The following PDE4D variants were observed in gnomAD, a reference collection of about 807,000 sequenced individuals.
The protein encoded by PDE4D is 3',5'-cyclic-AMP phosphodiesterase 4D.
In PDE4D, 24 loss-of-function variants were observed where a neutral mutation model predicts 87.4. The observed-to-expected ratio is 0.27, with a 90% confidence interval of 0.20 to 0.39. PDE4D has a LOEUF of 0.39. PDE4D is among the 10% of genes least tolerant of loss of function. PDE4D has a pLI of 1.00. For synonymous variants in PDE4D, 384 were observed against 383.2 expected (o/e 1.00, Z -0.02); for missense variants, 714 against 1,041.0 (o/e 0.69, Z 4.32).
rs1178342105 is a variant in PDE4D at position 60,498,518 on chromosome 5, G to A, written n.70+23533C>T. Reference sequence around the variant, plus strand: ...CCAGAACTTGTACAAATGGGGCCTGGGCCACAGGGATGGCCAGCATCCTAG... The same window carrying A: ...CCAGAACTTGTACAAATGGGGCCTGAGCCACAGGGATGGCCAGCATCCTAG... On this transcript the variant is annotated intron_variant and non_coding_transcript_variant, in intron 1 of 2. Coordinates refer to the PDE4D transcript ENST00000506510. Among the ~76,000 whole-genome samples, 9 of 152,106 alleles carry A rather than the reference G, an allele frequency of 5.9e-5. No homozygotes were observed. In the South Asian group the frequency reaches 1.5e-3, roughly 25 times the overall value.
intron 1 of PDE4D, among the ~76,000 whole-genome samples, chr5:60,317,962 T>C (rs182464884): frequency 6.6e-6 from 1 of 152,368 alleles, no homozygotes; most frequent in Admixed American, 6.5e-5. Context: ...ATGTATATTC[T>C]GTAGATTTGG....
chr5:60,220,162 G>T (rs1291247042), intron 1 of PDE4D, among the ~76,000 whole-genome samples: 1 of 152,116 alleles, frequency 6.6e-6, no homozygotes. Context: ...AGTGGGGGCG[G>T]TTTGCTTGCA....
chr5:59,446,208 TTTTA>T (rs1427364689), intron 1 of PDE4D, among the ~76,000 whole-genome samples: 1 of 152,162 alleles, frequency 6.6e-6, no homozygotes, highest in Non-Finnish European at 1.5e-5. Flanking sequence ...CAATGGATCA[TTTTA>T]TTTATATTCA....
chr5:60,399,089 C>T (rs1361986455), intron 1 of PDE4D, among the ~76,000 whole-genome samples: 1 of 152,132 alleles, frequency 6.6e-6, no homozygotes, highest in East Asian at 1.9e-4. Context: ...TAAATAATTG[C>T]TTTTTATTTC....
chr5:60,059,602 C>G (rs1416537601), intron 2 of PDE4D, among the ~76,000 whole-genome samples: 2 of 151,846 alleles, frequency 1.3e-5, no homozygotes, highest in Non-Finnish European at 2.9e-5. Flanking sequence ...ATATGACAGA[C>G]TGAGAGAGAG....
At chr5:59,194,767 A>T (rs996337009) in intron 2 of PDE4D, among the ~76,000 whole-genome samples, 1 of 152,196 alleles carries the variant, frequency 6.6e-6, no homozygotes, top group South Asian at 2.1e-4. Flanking sequence ...ATCATTTTAT[A>T]GAAGAGGCAA....
At chr5:60,358,776 A>T (rs1759823359) in intron 1 of PDE4D, among the ~76,000 whole-genome samples, 2 of 152,214 alleles carry the variant, frequency 1.3e-5, no homozygotes, top group African/African-American at 4.8e-5. Flanking sequence ...ACAAGAAAAA[A>T]CTACCTATGT....
At chr5:59,518,405 A>G (rs768617145) in intron 1 of PDE4D, among the ~76,000 whole-genome samples, 5 of 152,166 alleles carry the variant, frequency 3.3e-5, no homozygotes, top group African/African-American at 4.8e-5. Context: ...GAATACAACA[A>G]GCAAACATCC....
chr5:60,381,012 C>T (rs1332784384), intron 1 of PDE4D, among the ~76,000 whole-genome samples: 3 of 152,186 alleles, frequency 2.0e-5, no homozygotes, highest in Non-Finnish European at 2.9e-5. Context: ...CAAGAAAAAC[C>T]TCTCTTCAAG....
At chr5:59,902,203 G>C (rs529982585) in intron 3 of PDE4D, among the ~76,000 whole-genome samples, 1 of 151,942 alleles carries the variant, frequency 6.6e-6, no homozygotes, top group Admixed American at 6.6e-5. Context: ...TCAAAAACAA[G>C]AAACAAATAA....
chr5:59,345,185 C>A (rs1001491615), intron 1 of PDE4D, among the ~76,000 whole-genome samples: 1 of 152,106 alleles, frequency 6.6e-6, no homozygotes, highest in South Asian at 2.1e-4. Flanking sequence ...TTTATTTTAG[C>A]GTGACTTACA....
At chr5:59,360,956 A>C (rs773471951) in intron 1 of PDE4D, among the ~76,000 whole-genome samples, 20 of 152,206 alleles carry the variant, frequency 1.3e-4, no homozygotes, top group Non-Finnish European at 2.4e-4. Flanking sequence ...AGACTAAAAC[A>C]ATCAATAAGA....
At chr5:59,632,309 G>T (rs1430404561) in intron 1 of PDE4D, among the ~76,000 whole-genome samples, 1 of 152,156 alleles carries the variant, frequency 6.6e-6, no homozygotes, top group Non-Finnish European at 1.5e-5. Flanking sequence ...GGTGGCTTTG[G>T]GCACAGCTTC....
At chr5:59,047,531 A>G (rs1355330325) in intron 5 of PDE4D, among the ~76,000 whole-genome samples, 2 of 152,208 alleles carry the variant, frequency 1.3e-5, no homozygotes, top group East Asian at 3.9e-4. Context: ...TACTCTGGGA[A>G]TAGTATAAAG....
chr5:60,035,284 T>C (rs1256944605), intron 2 of PDE4D, among the ~76,000 whole-genome samples: 4 of 151,404 alleles, frequency 2.6e-5, no homozygotes, highest in Middle Eastern at 3.2e-3. Context: ...CATACTTGTG[T>C]ATACTGATTA....
intron 5 of PDE4D, among the ~76,000 whole-genome samples, chr5:59,137,525 C>CTTTTTTTTTTTTTTTTTTTTT (rs61134818): frequency 2.1e-5 from 3 of 139,600 alleles, no homozygotes; most frequent in Non-Finnish European, 4.7e-5. Flanking sequence ...GGGAAAGTTT[C>CTTTTTTTTTTTTTTTTTTTTT]TTTTTTTTTT....
At chr5:60,215,532 A>G (rs1743763107) in intron 1 of PDE4D, among the ~76,000 whole-genome samples, 1 of 152,104 alleles carries the variant, frequency 6.6e-6, no homozygotes, top group South Asian at 2.1e-4. Context: ...AAGGCTCTTT[A>G]TTTTCCAAAG....
At chr5:59,979,712 C>T (rs184292886) in intron 3 of PDE4D, among the ~76,000 whole-genome samples, 2 of 152,112 alleles carry the variant, frequency 1.3e-5, no homozygotes, top group Admixed American at 1.3e-4. Context: ...TCTAAAAGTG[C>T]CCGGCTCCAT....
At chr5:59,900,875 T>C (rs1396707793) in intron 3 of PDE4D, among the ~76,000 whole-genome samples, 1 of 152,166 alleles carries the variant, frequency 6.6e-6, no homozygotes, top group Non-Finnish European at 1.5e-5. Context: ...TAAAGATCTT[T>C]AGATTCTTAA....
Sources: allele counts gnomAD v4.1 joint callset (sites outside exome capture counted in the v4.1 genomes callset), GRCh38; gene constraint gnomAD v4.1.1; transcripts MANE v1.5; gene names NCBI Gene and HGNC (gene_info 2026-07-23, HGNC 2026-07-21).